The following SEPTIN10 variants were observed in gnomAD, a reference collection of about 807,000 sequenced individuals.
SEPTIN10 encodes septin 10.
Under a neutral mutation model 54.8 loss-of-function variants are expected in SEPTIN10, and 66 were observed. That is an observed-to-expected ratio of 1.21 (90% confidence interval 0.99 to 1.48). SEPTIN10 has a LOEUF of 1.48. Among genes scored for constraint, SEPTIN10 ranks in the 40% most tolerant of loss-of-function variants. The probability of loss-of-function intolerance (pLI) is 0.00; values close to 1 mark genes in which losing one functional copy is unlikely to be tolerated. For missense variants in SEPTIN10, 620 were observed against 545.6 expected (o/e 1.14, Z -1.36); for synonymous variants, 161 against 181.0 (o/e 0.89, Z 0.89).
Position 109,613,829 on chromosome 2 carries a change from G to A in SEPTIN10, c.-2C>T. On this transcript the variant is annotated 5_prime_UTR_variant, in exon 1 of 11. Coordinates refer to ENST00000397712, the MANE Select transcript of SEPTIN10 (RefSeq NM_144710.5). Reference sequence around the variant, plus strand: ...CCGCGCCACCTCGGAGGAGGCCATGGTCGCGGGCAGGGGCACGGTGAAGCG... The same window carrying A: ...CCGCGCCACCTCGGAGGAGGCCATGATCGCGGGCAGGGGCACGGTGAAGCG... 2 of 1,237,650 alleles carry A rather than the reference G, an allele frequency of 1.6e-6. No homozygotes were observed. Among genetic ancestry groups the A allele is most frequent in the Non-Finnish European group, 1.0e-6 (1 of 992,044 alleles). The allele number at this position is 1,237,650 out of a possible 1,614,324, so 76.7% of individuals were successfully genotyped here.
chr2:109,545,286 G>A (rs1680894702), intron 10 of SEPTIN10: 2 of 1,424,192 alleles, frequency 1.4e-6, no homozygotes, highest in South Asian at 1.5e-5. Flanking sequence ...TACTTAAGTG[G>A]GAGAAATAAA....
At chr2:109,562,685 G>GGACCC (rs1301117800) in intron 8 of SEPTIN10, among the ~76,000 whole-genome samples, 1 of 152,072 alleles carries the variant, frequency 6.6e-6, no homozygotes. Context: ...CTCTTACTCA[G>GGACCC]GACCCCTTCC....
chr2:109,609,274 T>G (rs1698700499), intron 1 of SEPTIN10, among the ~76,000 whole-genome samples: 1 of 152,144 alleles, frequency 6.6e-6, no homozygotes, highest in South Asian at 2.1e-4. Flanking sequence ...GATAACATAC[T>G]TTCCATATAA....
At chr2:109,610,993 G>A (rs537545621) in intron 1 of SEPTIN10, among the ~76,000 whole-genome samples, 4 of 152,260 alleles carry the variant, frequency 2.6e-5, no homozygotes, top group South Asian at 4.1e-4. Flanking sequence ...TCAAGACTGC[G>A]TGCTAACGGA....
At position 109,613,925 on chromosome 2, in the gene SEPTIN10, G is replaced by A. The variant is rs1000563086; in HGVS notation, c.-98C>T. 2.5e-6 allele frequency: 3 copies of A among 1,222,804 alleles called. No individual in the cohort carries two copies. The highest frequency in any genetic ancestry group is 3.1e-6 in the Non-Finnish European group (3 of 982,018). The allele number at this position is 1,222,804 out of a possible 1,614,324, so 75.7% of individuals were successfully genotyped here. A position where few individuals can be genotyped will look rare whatever the true frequency, so the allele number is the denominator to read the frequency against. ...GGGAAGGCCGGAGGGCAGAAGCAAC[G>A]GGCGGGGCGCGAGGCTAGGCTGCCT... On this transcript the variant is annotated 5_prime_UTR_variant, in exon 1 of 11. Transcript: ENST00000397712.
intron 5 of SEPTIN10, 39 bp from the exon 6 acceptor site, chr2:109,568,015 T>A (rs78051946): frequency 9.8e-6 from 14 of 1,433,616 alleles, no homozygotes; most frequent in Non-Finnish European, 1.3e-5. Context: ...TACTGAGGAT[T>A]TTTTTTTTTA....
chr2:109,583,831 T>C (rs907962148), intron 4 of SEPTIN10, among the ~76,000 whole-genome samples: 3 of 152,164 alleles, frequency 2.0e-5, no homozygotes, highest in Non-Finnish European at 2.9e-5. Context: ...ATCAAGTCTT[T>C]TGTACCAACA....
intron 1 of SEPTIN10, 40 bp downstream of exon 1, chr2:109,613,758 G>A: frequency 2.5e-5 from 30 of 1,195,092 alleles, no homozygotes; most frequent in Non-Finnish European, 3.1e-5. Context: ...GCGGGGGCCG[G>A]GGAGCGCGGG....
At position 109,560,156 on chromosome 2, in the gene SEPTIN10, G is replaced by A. The variant is rs182881997; in HGVS notation, c.1028+4210C>T. On this transcript the variant is annotated intron_variant, in intron 8 of 10. Transcript: ENST00000397712. ...AGGATAGTCTTGATCTCCTGACCTCGTGATCCGCCCGCCTCAGCCTCCCAA... is the reference window on the plus strand; with the variant it reads ...AGGATAGTCTTGATCTCCTGACCTCATGATCCGCCCGCCTCAGCCTCCCAA... Among the ~76,000 whole-genome samples the A allele has an allele frequency of 3.0e-3, 456 of 152,164 alleles. 1 individual carries two copies. Among genetic ancestry groups the A allele is most frequent in the Non-Finnish European group, 5.1e-3 (348 of 67,976 alleles).
rs764324375 is a variant in SEPTIN10, at chr2:109,585,727, A to T, written c.211T>A (p.Cys71Ser). ...IQQGFCFNIL[C>S]VGETGIGKST... ...AAGAGTAGGTGGCACGTACCCACACAGAGAATATTAAAGCAGAAACCTTGC... is the reference window on the plus strand; with the variant it reads ...AAGAGTAGGTGGCACGTACCCACACTGAGAATATTAAAGCAGAAACCTTGC... The change falls in exon 3 of 11, where the codon TGT becomes AGT. Residue 71 changes from cysteine (C) to serine (S), a missense_variant. By Grantham distance (112) the Cys-to-Ser change is moderately radical. Transcript: ENST00000397712. The T allele has an allele frequency of 3.7e-6, 6 of 1,610,784 alleles. No homozygotes were observed. The highest frequency in any genetic ancestry group is 1.9e-4 in the Middle Eastern group (1 of 5,204).
chr2:109,554,834 C>T (rs113163838), intron 8 of SEPTIN10, among the ~76,000 whole-genome samples: 2 of 152,058 alleles, frequency 1.3e-5, no homozygotes, highest in African/African-American at 2.4e-5. Flanking sequence ...TGAAGCCACC[C>T]GTGTTAGTGC....
chr2:109,544,830 G>A, intron 10 of SEPTIN10: 1 of 749,518 alleles, frequency 1.3e-6, no homozygotes. Context: ...ACTGCTCTAG[G>A]CTCTGGGGAT....
At chr2:109,563,207 C>T (rs1446368161) in intron 8 of SEPTIN10, among the ~76,000 whole-genome samples, 2 of 152,124 alleles carry the variant, frequency 1.3e-5, no homozygotes, top group Admixed American at 6.5e-5. Context: ...CCACCACACC[C>T]GGCCATAAGT....
intron 4 of SEPTIN10, among the ~76,000 whole-genome samples, chr2:109,579,869 C>A (rs949488116): frequency 4.0e-5 from 6 of 151,558 alleles, no homozygotes; most frequent in African/African-American, 1.5e-4. Flanking sequence ...GCCTGTAATC[C>A]CAGCACTTTG....
intron 10 of SEPTIN10, chr2:109,545,398 G>C (rs202042755): frequency 2.1e-4 from 322 of 1,535,062 alleles, no homozygotes; most frequent in Non-Finnish European, 2.6e-4. Flanking sequence ...AAACCTACAC[G>C]CCTTGCGATT....
intron 9 of SEPTIN10, among the ~76,000 whole-genome samples, chr2:109,549,745 T>C (rs978939772): frequency 1.3e-5 from 2 of 152,146 alleles, no homozygotes; most frequent in African/African-American, 4.8e-5. Flanking sequence ...TTTTCCTATA[T>C]ATAGACACCT....
chr2:109,564,705 T>A (rs191470654), intron 7 of SEPTIN10, among the ~76,000 whole-genome samples, 171 bp from the exon 8 acceptor site: 1 of 152,218 alleles, frequency 6.6e-6, no homozygotes, highest in African/African-American at 2.4e-5. Context: ...GAAGAAACTC[T>A]TGCAGTATAA....
rs566390808 is a variant in SEPTIN10 at position 109,564,258 on chromosome 2, G to A, written c.1028+108C>T. The A allele has an allele frequency of 1.4e-5, 14 of 1,003,284 alleles. No individual in the cohort carries two copies. In the East Asian group the frequency reaches 3.3e-4, roughly 24 times the overall value. 62.1% of individuals were successfully genotyped at this position (1,003,284 alleles called of 1,614,324 possible). ...TCATTACCAAATGATTCTATATCAT[G>A]GTTTTGGGAGATTCTAAAGAACACA... On this transcript the variant is annotated intron_variant, in intron 8 of 10. Coordinates refer to ENST00000397712, the MANE Select transcript of SEPTIN10 (RefSeq NM_144710.5).
intron 6 of SEPTIN10, among the ~76,000 whole-genome samples, chr2:109,566,370 C>T (rs752594741): frequency 4.6e-5 from 7 of 152,004 alleles, no homozygotes; most frequent in African/African-American, 1.7e-4. Context: ...ATCCACCTGT[C>T]TTGGGATTAT....
Sources: gnomAD v4.1 joint callset for allele counts (sites outside exome capture counted in the v4.1 genomes callset) on GRCh38, gnomAD v4.1.1 for gene constraint, MANE v1.5 for transcripts, NCBI Gene and HGNC (gene_info 2026-07-23, HGNC 2026-07-21) for gene names.